ZFAT: variants seen among roughly 807,000 people sequenced by gnomAD.
ZFAT encodes the protein zinc finger and AT-hook domain containing.
In ZFAT, 64 loss-of-function variants were observed where a neutral mutation model predicts 117.7. The ratio of observed to expected loss-of-function variants is 0.54; its 90% CI spans 0.44 to 0.67. The LOEUF (loss-of-function observed/expected upper bound fraction) is 0.67, where lower values mean the gene tolerates loss of function less well. Ranked by LOEUF, ZFAT falls within the 30% of genes least tolerant of loss-of-function variation. The pLI is 0.00. For missense variants in ZFAT, 1,433 were observed against 1,584.5 expected, an observed-to-expected ratio of 0.90 and a Z score of 1.62; for synonymous variants, 679 against 615.0, an observed-to-expected ratio of 1.10 and a Z score of -1.54.
chr8:134,701,305 T>C (rs941190457), intron 1 of ZFAT, among the ~76,000 whole-genome samples: 14 of 152,210 alleles, frequency 9.2e-5, no homozygotes, highest in African/African-American at 2.9e-4. Context: ...TATTTCACTG[T>C]GCACAATGGC....
At chr8:134,797,541 G>C in the ZFAT span, 3 of 152,036 alleles carry the variant, frequency 2.0e-5, no homozygotes, top group African/African-American at 7.2e-5. Context: ...GAATGATTTT[G>C]AAACAAGCAA....
chr8:134,696,395 A>G (rs1469385467), intron 1 of ZFAT: 7 of 985,626 alleles, frequency 7.1e-6, no homozygotes, highest in Non-Finnish European at 7.2e-6. Context: ...AATCAACAGG[A>G]AAGTTCAGAG....
chr8:134,511,480 C>G (rs6988428), intron 14 of ZFAT, among the ~76,000 whole-genome samples: 51,416 of 152,122 alleles, frequency 0.34, 9,931 homozygotes, highest in African/African-American at 0.54. Context: ...CAGCCCTGTC[C>G]ATTAATCTTC....
chr8:134,588,189 T>C, intron 9 of ZFAT, 57 bp downstream of exon 9: 1 of 1,500,904 alleles, frequency 6.7e-7, no homozygotes. Context: ...ACTCCCAAAA[T>C]GAAGGATGGA....
At chr8:134,603,570 G>A (rs996656633) in intron 5 of ZFAT, among the ~76,000 whole-genome samples, 8 of 152,196 alleles carry the variant, frequency 5.3e-5, no homozygotes, top group Admixed American at 2.0e-4. Flanking sequence ...CCAACCACTA[G>A]GGAATGACCC....
At chr8:134,642,855 A>G (rs948944397) in intron 2 of ZFAT, among the ~76,000 whole-genome samples, 1 of 152,232 alleles carries the variant, frequency 6.6e-6, no homozygotes, top group African/African-American at 2.4e-5. Flanking sequence ...AAGCTCAGGA[A>G]GCAATAGGGG....
At chr8:134,571,949 T>C (rs1824944215) in intron 10 of ZFAT, among the ~76,000 whole-genome samples, 1 of 152,084 alleles carries the variant, frequency 6.6e-6, no homozygotes, top group African/African-American at 2.4e-5. Flanking sequence ...AAAATAGCCA[T>C]CCCGCTCCTG....
At chr8:134,593,609 C>T (rs981697281) in intron 7 of ZFAT, among the ~76,000 whole-genome samples, 47 of 152,194 alleles carry the variant, frequency 3.1e-4, no homozygotes, top group African/African-American at 8.4e-4. Flanking sequence ...AGATGCTGCA[C>T]GAAGCTGCAG....
At chr8:134,695,739 G>T (rs67654984) in intron 1 of ZFAT, among the ~76,000 whole-genome samples, 32 of 146,968 alleles carry the variant, frequency 2.2e-4, no homozygotes, top group Admixed American at 2.1e-3. Flanking sequence ...GGCCTTGCCC[G>T]CATCTCTAAC....
chr8:134,615,581 C>T lies in ZFAT; in HGVS notation c.449-4926G>A, dbSNP rs561457603. On this transcript the variant is annotated intron_variant, in intron 3 of 15. Coordinates refer to ENST00000377838, the MANE Select transcript of ZFAT (RefSeq NM_020863.4). Reference sequence around the variant, plus strand: ...ATTGCTCCTTCCCTGTCTCACTCTTCTCACTCCCCACTCCTGCTTCCTGGG... The same window carrying T: ...ATTGCTCCTTCCCTGTCTCACTCTTTTCACTCCCCACTCCTGCTTCCTGGG... Among the ~76,000 whole-genome samples, 157 of 152,308 alleles carry T rather than the reference C, an allele frequency of 1.0e-3. 1 individual carries two copies. The highest frequency in any genetic ancestry group is 2.0e-3 in the Non-Finnish European group (135 of 68,026).
Position 134,661,682 on chromosome 8 carries a change from G to A in ZFAT, c.20-3945C>T, listed in dbSNP as rs117117050. Among the ~76,000 whole-genome samples the A allele has an allele frequency of 9.0e-4, 137 of 152,316 alleles. 1 individual carries two copies. In the East Asian group the frequency reaches 0.026, roughly 29 times the overall value. On this transcript the variant is annotated intron_variant, in intron 1 of 15. Transcript: ENST00000377838. ...GGGATGAGAGCAGAGATGATGGCCT[G>A]AGACACAGATCTGCAGAGGAGTCAG...
chr8:134,533,264 CAAG>C (rs547249282), intron 11 of ZFAT, among the ~76,000 whole-genome samples: 3 of 152,064 alleles, frequency 2.0e-5, no homozygotes, highest in Non-Finnish European at 4.4e-5. Flanking sequence ...AGTTTTTGTT[CAAG>C]AAGAAGACAA....
chr8:134,693,378 A>G (rs1030251900), intron 1 of ZFAT, among the ~76,000 whole-genome samples: 2 of 152,346 alleles, frequency 1.3e-5, no homozygotes, highest in Admixed American at 6.5e-5. Flanking sequence ...AAATTAAACA[A>G]TGAGAAAAGA....
intron 2 of ZFAT, among the ~76,000 whole-genome samples, chr8:134,639,033 C>A (rs1360840649): frequency 6.6e-6 from 1 of 152,200 alleles, no homozygotes; most frequent in African/African-American, 2.4e-5. Context: ...TTCCTGCTCT[C>A]TCTAAAGCTG....
intron 12 of ZFAT, among the ~76,000 whole-genome samples, chr8:134,527,649 T>A (rs1316688922): frequency 6.6e-6 from 1 of 152,184 alleles, no homozygotes; most frequent in African/African-American, 2.4e-5. Flanking sequence ...CCTGGTGACA[T>A]GGCATGCAAT....
chr8:134,651,236 C>T (rs1233709756), intron 2 of ZFAT, among the ~76,000 whole-genome samples: 3 of 152,154 alleles, frequency 2.0e-5, no homozygotes, highest in Non-Finnish European at 4.4e-5. Context: ...TAAACAAATG[C>T]TGATAGAAGC....
At chr8:134,587,640 C>T (rs191586232) in intron 9 of ZFAT, among the ~76,000 whole-genome samples, 5 of 152,278 alleles carry the variant, frequency 3.3e-5, no homozygotes, top group East Asian at 1.9e-4. Context: ...ACAAAGTTGA[C>T]GGTCTGTTGC....
the ZFAT span, among the ~76,000 whole-genome samples, chr8:134,742,477 C>A: frequency 5.3e-5 from 8 of 152,266 alleles, no homozygotes; most frequent in South Asian, 1.7e-3. Flanking sequence ...TCACAGTCCT[C>A]GGGGTTCAAT....
At chr8:134,671,971 G>A (rs1832582061) in intron 1 of ZFAT, among the ~76,000 whole-genome samples, 1 of 152,186 alleles carries the variant, frequency 6.6e-6, no homozygotes, top group Non-Finnish European at 1.5e-5. Flanking sequence ...CGGACAAACA[G>A]AGAGCCAAAT....
Sources: allele counts gnomAD v4.1 joint callset (sites outside exome capture counted in the v4.1 genomes callset), GRCh38; gene constraint gnomAD v4.1.1; transcripts MANE v1.5; gene names NCBI Gene and HGNC (gene_info 2026-07-23, HGNC 2026-07-21).